Variants in BMERB1 observed in about 807,000 individuals in gnomAD.
The protein encoded by BMERB1 is bMERB domain containing 1, also known as bMERB domain-containing protein 1.
BMERB1 carries 12 observed loss-of-function variants against 23.6 expected under a neutral mutation model. That is an observed-to-expected ratio of 0.51 (90% confidence interval 0.33 to 0.82). The LOEUF (loss-of-function observed/expected upper bound fraction) is 0.82, where lower values mean the gene tolerates loss of function less well. Ranked by LOEUF, BMERB1 falls within the 40% of genes least tolerant of loss-of-function variation. The pLI is 0.03. For missense variants in BMERB1, 247 were observed against 255.4 expected (o/e 0.97, Z 0.22); for synonymous variants, 122 against 96.6 (o/e 1.26, Z -1.54).
chr16:15,505,765 G>A (rs2051582937), intron 1 of BMERB1, among the ~76,000 whole-genome samples: 1 of 151,814 alleles, frequency 6.6e-6, no homozygotes, highest in Non-Finnish European at 1.5e-5. Context: ...GTGGGCGCCT[G>A]TAGTCCCAGC....
chr16:15,471,810 T>C (rs2051231629), intron 1 of BMERB1, among the ~76,000 whole-genome samples: 1 of 152,146 alleles, frequency 6.6e-6, no homozygotes, highest in African/African-American at 2.4e-5. Flanking sequence ...ACTTCTGGAC[T>C]CAAGCAATTC....
At chr16:15,510,227 C>T (rs890884665) in intron 1 of BMERB1, among the ~76,000 whole-genome samples, 1 of 152,070 alleles carries the variant, frequency 6.6e-6, no homozygotes, top group Non-Finnish European at 1.5e-5. Context: ...ATTGTTATGG[C>T]ACCACGCTTG....
chr16:15,451,086 T>TA (rs908132340), intron 1 of BMERB1, among the ~76,000 whole-genome samples: 4 of 151,836 alleles, frequency 2.6e-5, no homozygotes, highest in East Asian at 1.9e-4. Context: ...GTAACCAGCA[T>TA]AAAAAAAATG....
intron 2 of BMERB1, among the ~76,000 whole-genome samples, chr16:15,542,250 G>T (rs1313909704): frequency 4.0e-5 from 6 of 151,382 alleles, no homozygotes; most frequent in Non-Finnish European, 8.8e-5. Context: ...TTTTAGTAGA[G>T]ACGGGGGTTT....
chr16:15,581,782 G>A (rs2031020947), intron 4 of BMERB1, among the ~76,000 whole-genome samples: 2 of 152,256 alleles, frequency 1.3e-5, no homozygotes, highest in South Asian at 4.1e-4. Context: ...AAGTATCAGG[G>A]TCTTCTCTTT....
At chr16:15,534,707 C>G (rs2052009551) in intron 2 of BMERB1, among the ~76,000 whole-genome samples, 1 of 152,270 alleles carries the variant, frequency 6.6e-6, no homozygotes, top group South Asian at 2.1e-4. Context: ...TTTTCTTGGC[C>G]TTTTCCACAC....
chr16:15,434,834 C>A, intron 1 of BMERB1, 75 bp downstream of exon 1: 1 of 1,309,222 alleles, frequency 7.6e-7, no homozygotes, highest in Non-Finnish European at 1.0e-6. Flanking sequence ...GTCGCGGGAG[C>A]GCGAGGAACG....
In BMERB1 at chr16:15,548,937, C is replaced by T. The variant is rs944277874; in HGVS notation, c.231-19046C>T. On this transcript the variant is annotated intron_variant, in intron 2 of 5. Coordinates refer to ENST00000300006, the MANE Select transcript of BMERB1 (RefSeq NM_033201.3). ...AGACAGTGGTCCTAGTGGCCCAGTC[C>T]ATGGGCTAAGCAGGAATGGGTGGGA... Among the ~76,000 whole-genome samples, 11 of 152,098 alleles carry T rather than the reference C, an allele frequency of 7.2e-5. 1 individual carries two copies. Among genetic ancestry groups the T allele is most frequent in the African/African-American group, 2.7e-4 (11 of 41,426 alleles).
At chr16:15,562,187 C>T (rs1376960829) in intron 2 of BMERB1, among the ~76,000 whole-genome samples, 1 of 150,786 alleles carries the variant, frequency 6.6e-6, no homozygotes, top group Non-Finnish European at 1.5e-5. Context: ...CCTGTAATCT[C>T]AGCTACTTGG....
intron 5 of BMERB1, 39 bp downstream of exon 5, chr16:15,583,277 G>C (rs1312803716): frequency 1.3e-6 from 2 of 1,499,428 alleles, no homozygotes; most frequent in South Asian, 2.3e-5. Flanking sequence ...CCCCACAAAA[G>C]AGAAAAGTAT....
intron 3 of BMERB1, among the ~76,000 whole-genome samples, chr16:15,574,266 C>T (rs979034131): frequency 6.6e-6 from 1 of 152,098 alleles, no homozygotes; most frequent in Non-Finnish European, 1.5e-5. Flanking sequence ...AAACTGCCTG[C>T]GTGATTCAGT....
Position 15,515,431 on chromosome 16 carries a change from G to A in BMERB1, c.230+3G>A. 5 of 1,613,180 alleles carry A rather than the reference G, an allele frequency of 3.1e-6. No individual in the cohort carries two copies. Among genetic ancestry groups the A allele is most frequent in the Non-Finnish European group, 4.2e-6 (5 of 1,179,702 alleles). On this transcript the variant is annotated splice_donor_region_variant and intron_variant, in intron 2 of 5. Coordinates refer to ENST00000300006, the MANE Select transcript of BMERB1 (RefSeq NM_033201.3). ...CGGGAGTCTGAGCTCAGGTTCATGT[G>A]AGTGTTTTGGGGATGTGGCCAAGGA...
intron 2 of BMERB1, among the ~76,000 whole-genome samples, chr16:15,539,628 G>A (rs1311096251): frequency 3.3e-5 from 5 of 152,024 alleles, no homozygotes; most frequent in Admixed American, 6.6e-5. Context: ...AGGATCATGA[G>A]GTCAAGAGAT....
At chr16:15,519,480 T>C (rs996721728) in intron 2 of BMERB1, among the ~76,000 whole-genome samples, 7 of 152,138 alleles carry the variant, frequency 4.6e-5, no homozygotes, top group African/African-American at 1.7e-4. Flanking sequence ...AACCTCCGTC[T>C]CCTGGGTTCA....
intron 1 of BMERB1, among the ~76,000 whole-genome samples, chr16:15,500,395 G>A (rs1437037532): frequency 6.6e-6 from 1 of 152,188 alleles, no homozygotes; most frequent in Non-Finnish European, 1.5e-5. Flanking sequence ...CTGACCAAAG[G>A]CAGGGCCACC....
At chr16:15,456,895 G>A (rs2051091685) in intron 1 of BMERB1, among the ~76,000 whole-genome samples, 10 of 151,754 alleles carry the variant, frequency 6.6e-5, no homozygotes, top group Admixed American at 5.9e-4. Flanking sequence ...GCGCAATCTC[G>A]GCTCACTACA....
chr16:15,570,388 T>G (rs976384190), intron 3 of BMERB1, among the ~76,000 whole-genome samples: 4 of 152,134 alleles, frequency 2.6e-5, no homozygotes, highest in Non-Finnish European at 5.9e-5. Flanking sequence ...TTCCCAACCT[T>G]CAACTATTGA....
intron 1 of BMERB1, among the ~76,000 whole-genome samples, chr16:15,442,120 G>C (rs2050944109): frequency 6.6e-6 from 1 of 151,944 alleles, no homozygotes. Flanking sequence ...CACCTGAGGT[G>C]AGGAGTTTGA....
chr16:15,538,162 C>T, intron 2 of BMERB1, among the ~76,000 whole-genome samples: 1 of 152,130 alleles, frequency 6.6e-6, no homozygotes, highest in Non-Finnish European at 1.5e-5. Context: ...ATTAAAAAGC[C>T]CTTAGATGGG....
Sources: gnomAD v4.1 joint callset for allele counts (sites outside exome capture counted in the v4.1 genomes callset) on GRCh38, gnomAD v4.1.1 for gene constraint, MANE v1.5 for transcripts, NCBI Gene and HGNC (gene_info 2026-07-23, HGNC 2026-07-21) for gene names.